The following NTNG1 variants were observed in gnomAD, a reference collection of about 807,000 sequenced individuals.
NTNG1 encodes netrin-G1.
A neutral mutation model predicts 54.0 loss-of-function variants in NTNG1; 16 were observed. The observed-to-expected ratio is 0.30, with a 90% confidence interval of 0.20 to 0.45. The LOEUF is 0.45. NTNG1 is among the 20% of genes least tolerant of loss of function. The probability of loss-of-function intolerance (pLI) is 1.00; values close to 1 mark genes in which losing one functional copy is unlikely to be tolerated. For synonymous variants in NTNG1, 255 were observed against 263.1 expected (o/e 0.97, Z 0.30); for missense variants, 530 against 678.7 (o/e 0.78, Z 2.43).
Position 107,207,747 on chromosome 1 carries a change from T to A in NTNG1, c.246+58908T>A, listed in dbSNP as rs76932418. Reference sequence around the variant, plus strand: ...GCCCATTTCTTCACTCTGTGCTCTGTGAAGTGATAAGAGATACTTTCGTAG... The same window carrying A: ...GCCCATTTCTTCACTCTGTGCTCTGAGAAGTGATAAGAGATACTTTCGTAG... On this transcript the variant is annotated intron_variant, in intron 2 of 7. Transcript: ENST00000370068. Among the ~76,000 whole-genome samples, 6 of 152,334 alleles carry A rather than the reference T, an allele frequency of 3.9e-5. No homozygotes were observed. In the East Asian group the frequency reaches 9.7e-4, roughly 25 times the overall value.
At chr1:107,318,794 C>T (rs1201860394) in intron 2 of NTNG1, among the ~76,000 whole-genome samples, 5 of 152,036 alleles carry the variant, frequency 3.3e-5, no homozygotes, top group Admixed American at 2.6e-4. Context: ...GTATGCATAC[C>T]ACATGTTGGT....
chr1:107,378,756 A>G (rs1317107856), intron 3 of NTNG1, among the ~76,000 whole-genome samples: 2 of 152,088 alleles, frequency 1.3e-5, no homozygotes, highest in African/African-American at 4.8e-5. Flanking sequence ...AAATCCCTAG[A>G]GCCACCCTTG....
chr1:107,206,569 T>C (rs1659211693), intron 2 of NTNG1, among the ~76,000 whole-genome samples: 1 of 152,180 alleles, frequency 6.6e-6, no homozygotes, highest in African/African-American at 2.4e-5. Flanking sequence ...TTTCACCCAG[T>C]GTTACGGAGA....
At chr1:107,191,994 A>G (rs149379459) in intron 2 of NTNG1, among the ~76,000 whole-genome samples, 7,836 of 152,248 alleles carry the variant, frequency 0.051, 221 homozygotes, top group African/African-American at 0.076. Context: ...TGGGGATGGC[A>G]TTGAATCAAT....
intron 2 of NTNG1, among the ~76,000 whole-genome samples, chr1:107,319,865 T>TTATA (rs1553225209): frequency 0.03 from 4,385 of 147,876 alleles, 87 homozygotes; most frequent in African/African-American, 0.036. Flanking sequence ...TACCTGAGGT[T>TTATA]TATATATATA....
chr1:107,261,735 CG>C (rs1355110810), intron 2 of NTNG1, among the ~76,000 whole-genome samples: 1 of 151,970 alleles, frequency 6.6e-6, no homozygotes, highest in Non-Finnish European at 1.5e-5. Flanking sequence ...CCCAGCTACT[CG>C]GGAGGCTGAG....
At chr1:107,236,525 A>G (rs1015912047) in intron 2 of NTNG1, among the ~76,000 whole-genome samples, 1 of 152,184 alleles carries the variant, frequency 6.6e-6, no homozygotes, top group Non-Finnish European at 1.5e-5. Flanking sequence ...TGGTCAGAAT[A>G]GAAAAGATTG....
At chr1:107,318,334 C>T (rs1667452939) in intron 2 of NTNG1, among the ~76,000 whole-genome samples, 1 of 152,036 alleles carries the variant, frequency 6.6e-6, no homozygotes, top group African/African-American at 2.4e-5. Context: ...TATCACACTG[C>T]TTGTATTCAA....
chr1:107,304,096 C>T (rs1323334218), intron 2 of NTNG1, among the ~76,000 whole-genome samples: 1 of 151,920 alleles, frequency 6.6e-6, no homozygotes, highest in African/African-American at 2.4e-5. Flanking sequence ...ACAAGTATTT[C>T]CAAGGTCACT....
chr1:107,144,989 C>T (rs1158457936), intron 1 of NTNG1, among the ~76,000 whole-genome samples: 2 of 151,954 alleles, frequency 1.3e-5, no homozygotes, highest in African/African-American at 2.4e-5. Context: ...GATACGGACA[C>T]CTGAGACAAA....
At chr1:107,291,972 T>G (rs1665632311) in intron 2 of NTNG1, among the ~76,000 whole-genome samples, 1 of 148,306 alleles carries the variant, frequency 6.7e-6, no homozygotes, top group Non-Finnish European at 1.5e-5. Context: ...CAGAGACTTG[T>G]AACCAGAAGA....
chr1:107,402,810 T>C (rs1464538839), intron 4 of NTNG1, among the ~76,000 whole-genome samples: 1 of 152,078 alleles, frequency 6.6e-6, no homozygotes, highest in Non-Finnish European at 1.5e-5. Context: ...TTTTTTGGAG[T>C]TAGAATTCCT....
intron 2 of NTNG1, among the ~76,000 whole-genome samples, chr1:107,199,868 G>A (rs1164386718): frequency 6.6e-6 from 1 of 151,700 alleles, no homozygotes; most frequent in Non-Finnish European, 1.5e-5. Context: ...AATCCTCTTG[G>A]CTTACTCAAT....
intron 2 of NTNG1, among the ~76,000 whole-genome samples, chr1:107,316,878 G>A (rs1430889398): frequency 6.6e-6 from 1 of 152,140 alleles, no homozygotes; most frequent in Non-Finnish European, 1.5e-5. Context: ...AACGAATTTG[G>A]AACACAAGAG....
chr1:107,370,296 G>C (rs1435996144), intron 3 of NTNG1, among the ~76,000 whole-genome samples: 1 of 149,644 alleles, frequency 6.7e-6, no homozygotes, highest in Admixed American at 6.7e-5. Context: ...GATTACTTGA[G>C]AGTGCGTTGA....
intron 3 of NTNG1, among the ~76,000 whole-genome samples, chr1:107,363,597 G>T (rs995755923): frequency 6.6e-6 from 1 of 152,002 alleles, no homozygotes; most frequent in African/African-American, 2.4e-5. Context: ...TCTCTTTTCT[G>T]GTTAATTCTA....
At chr1:107,193,887 A>G (rs1358323889) in intron 2 of NTNG1, among the ~76,000 whole-genome samples, 2 of 151,452 alleles carry the variant, frequency 1.3e-5, no homozygotes, top group Non-Finnish European at 2.9e-5. Flanking sequence ...GAAAAGACCT[A>G]TAGTGTCTCT....
At chr1:107,434,721 C>A (rs1010967870) in intron 6 of NTNG1, among the ~76,000 whole-genome samples, 1 of 152,086 alleles carries the variant, frequency 6.6e-6, no homozygotes. Context: ...AAATGAAGCA[C>A]CCCCTGCCAG....
chr1:107,308,391 C>G (rs1287214308), intron 2 of NTNG1, among the ~76,000 whole-genome samples: 1 of 152,120 alleles, frequency 6.6e-6, no homozygotes, highest in Non-Finnish European at 1.5e-5. Context: ...TATGCCAGCA[C>G]AGTTTATTCA....
Sources: allele counts gnomAD v4.1 joint callset (sites outside exome capture counted in the v4.1 genomes callset), GRCh38; gene constraint gnomAD v4.1.1; transcripts MANE v1.5; gene names NCBI Gene and HGNC (gene_info 2026-07-23, HGNC 2026-07-21).